DLG2: variants seen among roughly 807,000 people sequenced by gnomAD.
DLG2 encodes the protein disks large homolog 2.
Under a neutral mutation model 132.5 loss-of-function variants are expected in DLG2, and 45 were observed. That is an observed-to-expected ratio of 0.34 (90% CI 0.27 to 0.44). The LOEUF (loss-of-function observed/expected upper bound fraction) is 0.44, where lower values mean the gene tolerates loss of function less well. Among genes scored for constraint, DLG2 ranks in the 20% least tolerant of loss-of-function variants. The pLI, the probability that DLG2 is intolerant of heterozygous loss-of-function variation, is 1.00. For missense variants in DLG2, 1,045 were observed against 1,196.9 expected (o/e 0.87, Z 1.87); for synonymous variants, 424 against 419.6 (o/e 1.01, Z -0.13).
chr11:84,591,359 G>A (rs1272725743), intron 6 of DLG2, among the ~76,000 whole-genome samples: 1 of 148,596 alleles, frequency 6.7e-6, no homozygotes, highest in Admixed American at 6.8e-5. Flanking sequence ...GTTTCCCTCA[G>A]CACTTAGAAG....
chr11:84,855,942 C>T (rs866231376), intron 6 of DLG2, among the ~76,000 whole-genome samples: 2 of 151,920 alleles, frequency 1.3e-5, no homozygotes, highest in African/African-American at 2.4e-5. Flanking sequence ...CAGAGGCTAG[C>T]GATCATCTAT....
At chr11:85,233,655 C>A (rs184298024) in intron 4 of DLG2, among the ~76,000 whole-genome samples, 234 of 151,522 alleles carry the variant, frequency 1.5e-3, no homozygotes, top group Non-Finnish European at 2.8e-3. Context: ...CCATTAGAAG[C>A]CAAACTCTGC....
chr11:85,102,851 A>G (rs1437929631), intron 6 of DLG2, among the ~76,000 whole-genome samples: 1 of 152,030 alleles, frequency 6.6e-6, no homozygotes, highest in Non-Finnish European at 1.5e-5. Context: ...TTTGCACATC[A>G]CATAGTCTCG....
At chr11:85,182,036 T>C (rs2079738354) in intron 4 of DLG2, among the ~76,000 whole-genome samples, 1 of 151,970 alleles carries the variant, frequency 6.6e-6, no homozygotes, top group African/African-American at 2.4e-5. Flanking sequence ...ATCTAATGAG[T>C]GAGAAATAAA....
chr11:84,127,007 C>T (rs2094203750), intron 9 of DLG2, among the ~76,000 whole-genome samples: 1 of 152,188 alleles, frequency 6.6e-6, no homozygotes, highest in South Asian at 2.1e-4. Context: ...ATCTAGAGAG[C>T]AGCTTGAAAA....
At chr11:83,979,001 T>A (rs2092539182) in intron 12 of DLG2, among the ~76,000 whole-genome samples, 1 of 152,096 alleles carries the variant, frequency 6.6e-6, no homozygotes, top group South Asian at 2.1e-4. Context: ...TCTCAATTCT[T>A]TTTTGCTTAT....
At chr11:83,545,762 A>G (rs924367041) in intron 19 of DLG2, among the ~76,000 whole-genome samples, 1 of 152,032 alleles carries the variant, frequency 6.6e-6, no homozygotes, top group African/African-American at 2.4e-5. Flanking sequence ...CACGAGCTCT[A>G]TTGATCTTGG....
chr11:85,422,538 T>TA (rs11426671), intron 3 of DLG2, among the ~76,000 whole-genome samples: 1 of 17,752 alleles, frequency 5.6e-5, no homozygotes, highest in Non-Finnish European at 1.4e-4. Flanking sequence ...GAAGTTTTTA[T>TA]TTTTTTTGGT....
At chr11:84,628,867 A>T (rs2099627143) in intron 6 of DLG2, among the ~76,000 whole-genome samples, 1 of 152,204 alleles carries the variant, frequency 6.6e-6, no homozygotes, top group Non-Finnish European at 1.5e-5. Context: ...GTTGGTGATC[A>T]ATAATTGTAA....
intron 7 of DLG2, among the ~76,000 whole-genome samples, chr11:84,302,567 G>T (rs1487138556): frequency 6.6e-6 from 1 of 152,030 alleles, no homozygotes; most frequent in Non-Finnish European, 1.5e-5. Flanking sequence ...CATATACAGA[G>T]ACAGATAAAA....
intron 7 of DLG2, among the ~76,000 whole-genome samples, chr11:84,415,230 A>G (rs931963942): frequency 1.2e-4 from 18 of 152,316 alleles, no homozygotes; most frequent in African/African-American, 2.4e-4. Flanking sequence ...ACCTTTCTCT[A>G]TGGGTAGAAG....
intron 8 of DLG2, 90 bp downstream of exon 8, chr11:84,251,148 G>C: frequency 1.4e-6 from 1 of 736,694 alleles, no homozygotes. Flanking sequence ...TATTTAGTTT[G>C]GGTGAAACTA....
chr11:83,907,127 T>C (rs913152784), intron 15 of DLG2, among the ~76,000 whole-genome samples: 1 of 152,038 alleles, frequency 6.6e-6, no homozygotes, highest in African/African-American at 2.4e-5. Flanking sequence ...ACACTTAATA[T>C]GGGAGAAACA....
At position 84,847,267 on chromosome 11, in the gene DLG2, G is replaced by A. The variant is rs144802818; in HGVS notation, c.357+264394C>T. ...GTTAATGATGACTGGAAGAAAAGTG[G>A]GGGAGCACTGCTATCAGAGGCTAGA... is the stretch of plus-strand genomic sequence containing the variant. On this transcript the variant is annotated intron_variant, in intron 6 of 27. Transcript: ENST00000376104. Among the ~76,000 whole-genome samples, 398 of 152,218 alleles carry A rather than the reference G, an allele frequency of 2.6e-3. 2 individuals carry two copies. Among genetic ancestry groups the A allele is most frequent in the African/African-American group, 9.3e-3 (388 of 41,542 alleles).
intron 3 of DLG2, among the ~76,000 whole-genome samples, chr11:85,456,384 C>T (rs1349700444): frequency 1.3e-5 from 2 of 152,062 alleles, no homozygotes. Flanking sequence ...ACATAGCAGT[C>T]TATCTATCTT....
intron 19 of DLG2, among the ~76,000 whole-genome samples, chr11:83,542,604 C>T (rs953931854): frequency 6.6e-6 from 1 of 152,108 alleles, no homozygotes; most frequent in African/African-American, 2.4e-5. Flanking sequence ...TATCATGCTG[C>T]CCCCACTAAA....
At chr11:84,890,737 A>T (rs773526599) in intron 6 of DLG2, 7 of 152,266 alleles carry the variant, frequency 4.6e-5, no homozygotes, top group Non-Finnish European at 1.0e-4. Flanking sequence ...ACTGAATATC[A>T]GTCCCAGAGC....
intron 7 of DLG2, among the ~76,000 whole-genome samples, chr11:84,252,046 T>C (rs2097385493): frequency 6.6e-6 from 1 of 152,070 alleles, no homozygotes; most frequent in Non-Finnish European, 1.5e-5. Context: ...CAAACTGCCT[T>C]TTGAGAGTAT....
At chr11:84,858,086 T>A (rs1200677475) in intron 6 of DLG2, among the ~76,000 whole-genome samples, 1 of 151,964 alleles carries the variant, frequency 6.6e-6, no homozygotes, top group African/African-American at 2.4e-5. Context: ...AGAGATAAGG[T>A]TTCTCCATGC....
Sources: allele counts gnomAD v4.1 joint callset (sites outside exome capture counted in the v4.1 genomes callset), GRCh38; gene constraint gnomAD v4.1.1; transcripts MANE v1.5; gene names NCBI Gene and HGNC (gene_info 2026-07-23, HGNC 2026-07-21).